ARHGEF28: variants seen among roughly 807,000 people sequenced by gnomAD.
ARHGEF28 encodes the protein 190 kDa guanine nucleotide exchange factor.
Under a neutral mutation model 206.6 loss-of-function variants are expected in ARHGEF28, and 152 were observed. The ratio of observed to expected loss-of-function variants is 0.74; its 90% CI spans 0.64 to 0.84. The LOEUF is 0.84. Ranked by LOEUF, ARHGEF28 falls within the 40% of genes least tolerant of loss-of-function variation. The pLI is 0.00. For synonymous variants in ARHGEF28, 763 were observed against 776.4 expected, an observed-to-expected ratio of 0.98 and a Z score of 0.29; for missense variants, 2,028 against 2,073.2, an observed-to-expected ratio of 0.98 and a Z score of 0.42.
At chr5:73,822,808 G>A (rs763262728) in intron 9 of ARHGEF28, among the ~76,000 whole-genome samples, 5 of 152,004 alleles carry the variant, frequency 3.3e-5, no homozygotes, top group Non-Finnish European at 7.4e-5. Flanking sequence ...CATTTTTTTT[G>A]TAGAAACAAG....
intron 9 of ARHGEF28, among the ~76,000 whole-genome samples, chr5:73,812,680 C>T (rs543399102): frequency 7.9e-5 from 12 of 152,128 alleles, no homozygotes; most frequent in South Asian, 2.1e-4. Context: ...TTCAGGGAGA[C>T]GGCAAGAACT....
chr5:73,928,101 G>T (rs778228437), intron 35 of ARHGEF28, among the ~76,000 whole-genome samples: 1 of 152,146 alleles, frequency 6.6e-6, no homozygotes, highest in Non-Finnish European at 1.5e-5. Flanking sequence ...TAAGTTCTTT[G>T]ACATCTCATA....
intron 14 of ARHGEF28, among the ~76,000 whole-genome samples, chr5:73,857,394 A>C (rs1162806625): frequency 6.6e-6 from 1 of 152,184 alleles, no homozygotes; most frequent in Non-Finnish European, 1.5e-5. Context: ...AGAATTATCT[A>C]GTGTATACCC....
intron 1 of ARHGEF28, among the ~76,000 whole-genome samples, chr5:73,676,239 GT>G (rs879828934): frequency 8.9e-4 from 73 of 82,460 alleles, no homozygotes; most frequent in Admixed American, 1.9e-3. Context: ...CCCAGCTAAT[GT>G]TTTTTTTTTT....
chr5:73,630,477 A>G (rs1743298100), intron 1 of ARHGEF28, among the ~76,000 whole-genome samples: 1 of 152,238 alleles, frequency 6.6e-6, no homozygotes, highest in East Asian at 1.9e-4. Flanking sequence ...GATTTAATTT[A>G]CAGAGAACCC....
At chr5:73,923,654 T>C (rs1345114550) in intron 35 of ARHGEF28, among the ~76,000 whole-genome samples, 2 of 151,442 alleles carry the variant, frequency 1.3e-5, no homozygotes, top group Non-Finnish European at 2.9e-5. Context: ...AGACACACAA[T>C]TGAATTCTTC....
chr5:73,834,509 AT>A (rs1005187574), intron 10 of ARHGEF28, among the ~76,000 whole-genome samples: 15 of 149,078 alleles, frequency 1.0e-4, no homozygotes, highest in Non-Finnish European at 2.2e-4. Context: ...AAATGGCAGG[AT>A]TTTTTTTCTT....
Position 73,873,247 on chromosome 5 carries a change from G to C in ARHGEF28, c.2814+1G>C. The C allele has an allele frequency of 6.2e-7, 1 of 1,607,276 alleles. No individual in the cohort carries two copies. The highest frequency in any genetic ancestry group is 8.5e-7 in the Non-Finnish European group (1 of 1,175,650). On this transcript the variant is annotated splice_donor_variant, in intron 22 of 35. Coordinates refer to ENST00000513042, the MANE Select transcript of ARHGEF28 (RefSeq NM_001177693.2). LOFTEE classifies it high-confidence loss of function. ...AATTGGAGATATTTTGGTACAACAG[G>C]TAAGAAGAGCTTAAAGTCCTTGACC...
At chr5:73,766,154 A>C (rs1416297186) in intron 4 of ARHGEF28, among the ~76,000 whole-genome samples, 2 of 110,610 alleles carry the variant, frequency 1.8e-5, no homozygotes, top group Admixed American at 1.7e-4. Context: ...ACTCCATCTC[A>C]AAAAAAAAAA....
At chr5:73,663,722 C>T (rs573450164) in intron 1 of ARHGEF28, among the ~76,000 whole-genome samples, 13 of 152,206 alleles carry the variant, frequency 8.5e-5, no homozygotes, top group Non-Finnish European at 1.6e-4. Context: ...ATATTCAGGA[C>T]GATTTTTAAA....
intron 11 of ARHGEF28, among the ~76,000 whole-genome samples, chr5:73,844,447 T>C (rs1477011542): frequency 6.6e-6 from 1 of 152,098 alleles, no homozygotes; most frequent in Non-Finnish European, 1.5e-5. Flanking sequence ...ATACCTGTAA[T>C]TATTAGATTA....
At chr5:73,669,512 T>G (rs1019160654) in intron 1 of ARHGEF28, among the ~76,000 whole-genome samples, 2 of 152,202 alleles carry the variant, frequency 1.3e-5, no homozygotes, top group Non-Finnish European at 2.9e-5. Flanking sequence ...AATCTAGACA[T>G]TGACACATGT....
At chr5:73,780,864 CAG>C (rs1753808520) in intron 7 of ARHGEF28, 119 bp downstream of exon 7, 1 of 1,086,556 alleles carries the variant, frequency 9.2e-7, no homozygotes, top group African/African-American at 1.6e-5. Flanking sequence ...GAGGCAAGAT[CAG>C]GGGTGTGGGA....
chr5:73,920,314 A>T (rs7728540), intron 35 of ARHGEF28, among the ~76,000 whole-genome samples: 3,773 of 152,274 alleles, frequency 0.025, 144 homozygotes, highest in African/African-American at 0.081. Context: ...TCCTAGTAGT[A>T]GACTTAAAAA....
intron 35 of ARHGEF28, among the ~76,000 whole-genome samples, chr5:73,939,456 T>A (rs1742451922): frequency 6.6e-6 from 1 of 152,184 alleles, no homozygotes; most frequent in South Asian, 2.1e-4. Context: ...TGAGCAGAGC[T>A]GTGGTTGCAG....
intron 1 of ARHGEF28, among the ~76,000 whole-genome samples, chr5:73,657,128 G>A (rs927114657): frequency 2.1e-5 from 3 of 141,322 alleles, no homozygotes; most frequent in African/African-American, 8.0e-5. Flanking sequence ...AGCCGAGATT[G>A]CGCCACTGCT....
intron 9 of ARHGEF28, among the ~76,000 whole-genome samples, chr5:73,804,369 G>A (rs145013817): frequency 6.6e-6 from 1 of 152,196 alleles, no homozygotes; most frequent in East Asian, 1.9e-4. Flanking sequence ...GAGTTACATG[G>A]CAACTTCACA....
intron 1 of ARHGEF28, among the ~76,000 whole-genome samples, chr5:73,633,027 C>T (rs545688659): frequency 2.2e-4 from 34 of 151,864 alleles, no homozygotes; most frequent in Admixed American, 2.6e-4. Context: ...TGATGGGAGA[C>T]GGTGACAGAT....
At chr5:73,923,280 A>G (rs1255461964) in intron 35 of ARHGEF28, 2 of 902,812 alleles carry the variant, frequency 2.2e-6, no homozygotes, top group Non-Finnish European at 3.1e-6. Flanking sequence ...GAGATAAAGC[A>G]TGGTAAAAAA....
Sources: gnomAD v4.1 joint callset for allele counts (sites outside exome capture counted in the v4.1 genomes callset) on GRCh38, gnomAD v4.1.1 for gene constraint, MANE v1.5 for transcripts, NCBI Gene and HGNC (gene_info 2026-07-23, HGNC 2026-07-21) for gene names.